The following SOX5 variants were observed in gnomAD, a reference collection of about 807,000 sequenced individuals.
SOX5 encodes the protein transcription factor SOX-5.
A neutral mutation model predicts 92.0 loss-of-function variants in SOX5; 9 were observed. That is an observed-to-expected ratio of 0.10 (90% CI 0.06 to 0.17). The LOEUF (loss-of-function observed/expected upper bound fraction) is 0.17. SOX5 is among the 10% of genes least tolerant of loss of function. The pLI, the probability that SOX5 is intolerant of heterozygous loss-of-function variation, is 1.00. For synonymous variants in SOX5, 344 were observed against 336.3 expected (o/e 1.02, Z -0.25); for missense variants, 642 against 944.5 (o/e 0.68, Z 4.20).
chr12:24,359,967 G>A (rs75059729), intron 2 of SOX5, among the ~76,000 whole-genome samples: 3,297 of 152,280 alleles, frequency 0.022, 57 homozygotes, highest in Non-Finnish European at 0.032. Context: ...AAATGAAGAG[G>A]ATTAGTGGAA....
At chr12:24,190,962 G>C (rs533974642) in intron 4 of SOX5, among the ~76,000 whole-genome samples, 1 of 152,268 alleles carries the variant, frequency 6.6e-6, no homozygotes, top group Non-Finnish European at 1.5e-5. Flanking sequence ...AAAAAAAAGA[G>C]AATGAGGATT....
At chr12:24,355,686 A>C (rs1004957513) in intron 2 of SOX5, among the ~76,000 whole-genome samples, 17 of 152,250 alleles carry the variant, frequency 1.1e-4, no homozygotes, top group African/African-American at 3.6e-4. Context: ...AAAGGCAAAC[A>C]AAACTGTTCA....
chr12:24,076,557 C>G (rs1324382197), intron 4 of SOX5, among the ~76,000 whole-genome samples: 9 of 152,150 alleles, frequency 5.9e-5, no homozygotes, highest in Admixed American at 5.9e-4. Flanking sequence ...GAAAACTCTC[C>G]TATGTCACTT....
At chr12:23,654,893 T>C (rs1290338737) in intron 7 of SOX5, among the ~76,000 whole-genome samples, 4 of 152,038 alleles carry the variant, frequency 2.6e-5, no homozygotes, top group Non-Finnish European at 5.9e-5. Context: ...ATATAGATAT[T>C]TTAAAATAAG....
At chr12:24,031,324 T>C (rs1485720872) in intron 4 of SOX5, among the ~76,000 whole-genome samples, 1 of 151,694 alleles carries the variant, frequency 6.6e-6, no homozygotes, top group Non-Finnish European at 1.5e-5. Flanking sequence ...GGTAGATGAA[T>C]GGATAAAGAA....
intron 1 of SOX5, among the ~76,000 whole-genome samples, chr12:24,385,210 T>G (rs1958256280): frequency 6.6e-6 from 1 of 152,210 alleles, no homozygotes; most frequent in Admixed American, 6.5e-5. Context: ...CAATTCTACT[T>G]ATGAAGTTTC....
intron 3 of SOX5, among the ~76,000 whole-genome samples, chr12:24,277,012 C>T (rs1238485776): frequency 6.6e-6 from 1 of 151,944 alleles, no homozygotes; most frequent in Non-Finnish European, 1.5e-5. Context: ...GAGACATTAC[C>T]ATCATAATGA....
At chr12:23,563,476 C>G in intron 10 of SOX5, 73 bp from the exon 11 acceptor site, 1 of 1,415,022 alleles carries the variant, frequency 7.1e-7, no homozygotes, top group Non-Finnish European at 9.7e-7. Flanking sequence ...CCATAAAAAT[C>G]ACTTTTCTTG....
At chr12:24,473,659 A>G (rs983103656) in intron 1 of SOX5, among the ~76,000 whole-genome samples, 2 of 152,250 alleles carry the variant, frequency 1.3e-5, no homozygotes, top group Non-Finnish European at 2.9e-5. Flanking sequence ...ACAAATTCAA[A>G]TAACACTCAT....
chr12:23,621,118 T>A (rs2077124365), intron 8 of SOX5, among the ~76,000 whole-genome samples: 1 of 152,114 alleles, frequency 6.6e-6, no homozygotes, highest in Admixed American at 6.6e-5. Context: ...ATGTTGTTTT[T>A]GAGAGAACTA....
Position 24,506,784 on chromosome 12 carries a change from C to CATTTTTT in SOX5, c.-251+55544_-251+55545insAAAAAAT, listed in dbSNP as rs1390448641. ...CTGTATTTCATGGTATCCAAATGGT[C>CATTTTTT]TTTTTTTTTTTTTTTTTTTTTTGGA... On this transcript the variant is annotated intron_variant, in intron 1 of 4. Coordinates refer to the SOX5 transcript ENST00000446891. Among the ~76,000 whole-genome samples the CATTTTTT allele has an allele frequency of 5.6e-4, 46 of 81,764 alleles. 2 individuals carry two copies. The highest frequency in any genetic ancestry group is 2.2e-3 in the African/African-American group (45 of 20,758). 53.6% of individuals were successfully genotyped at this position (81,764 alleles called of 152,430 possible). A position where few individuals can be genotyped will look rare whatever the true frequency, so the allele number is the denominator to read the frequency against.
intron 6 of SOX5, among the ~76,000 whole-genome samples, chr12:23,690,909 GC>G (rs2088661921): frequency 6.6e-6 from 1 of 152,168 alleles, no homozygotes; most frequent in African/African-American, 2.4e-5. Flanking sequence ...GTTCCAGTAA[GC>G]CTTCCTTAGC....
intron 1 of SOX5, among the ~76,000 whole-genome samples, chr12:24,385,926 C>CAAA (rs35813329): frequency 0.016 from 1,151 of 70,298 alleles, 17 homozygotes; most frequent in African/African-American, 0.04. Context: ...GACCTTGTCA[C>CAAA]AAAAAAAAAA....
At chr12:24,369,741 C>T (rs1956536349) in intron 1 of SOX5, among the ~76,000 whole-genome samples, 2 of 152,236 alleles carry the variant, frequency 1.3e-5, no homozygotes, top group Non-Finnish European at 2.9e-5. Flanking sequence ...ACTAAACCTG[C>T]AATTGATGTC....
chr12:24,219,484 C>G (rs371878925), intron 3 of SOX5, among the ~76,000 whole-genome samples: 1 of 151,882 alleles, frequency 6.6e-6, no homozygotes, highest in East Asian at 1.9e-4. Flanking sequence ...CAAATTTCAG[C>G]GACATAAAAT....
chr12:24,398,172 A>G (rs1353906371), intron 1 of SOX5, among the ~76,000 whole-genome samples: 1 of 152,156 alleles, frequency 6.6e-6, no homozygotes. Context: ...TTATAGAAAG[A>G]ATAATCATTC....
chr12:24,334,509 C>T (rs1951677093), intron 2 of SOX5, among the ~76,000 whole-genome samples: 1 of 152,076 alleles, frequency 6.6e-6, no homozygotes, highest in Non-Finnish European at 1.5e-5. Flanking sequence ...CTTTTATTGC[C>T]TGTCGTTTTG....
intron 1 of SOX5, among the ~76,000 whole-genome samples, chr12:24,476,572 A>G (rs1945400410): frequency 1.3e-5 from 2 of 152,200 alleles, no homozygotes; most frequent in African/African-American, 2.4e-5. Flanking sequence ...ATGTCACTGT[A>G]GTTGTTCAAG....
At chr12:23,623,972 T>C (rs185532118) in intron 8 of SOX5, among the ~76,000 whole-genome samples, 4 of 152,214 alleles carry the variant, frequency 2.6e-5, no homozygotes, top group East Asian at 3.9e-4. Flanking sequence ...AAACAAAATG[T>C]GGTACATAGA....
Sources: allele counts gnomAD v4.1 joint callset (sites outside exome capture counted in the v4.1 genomes callset), GRCh38; gene constraint gnomAD v4.1.1; transcripts MANE v1.5; gene names NCBI Gene and HGNC (gene_info 2026-07-23, HGNC 2026-07-21).